PARD3: variants seen among roughly 807,000 people sequenced by gnomAD.
PARD3 encodes partitioning defective 3 homolog.
Under a neutral mutation model 155.4 loss-of-function variants are expected in PARD3, and 75 were observed. The observed-to-expected ratio is 0.48, with a 90% confidence interval of 0.40 to 0.58. The LOEUF is 0.58. PARD3 is among the 20% of genes least tolerant of loss of function. PARD3 has a pLI of 0.00. For synonymous variants in PARD3, 576 were observed against 610.5 expected, an observed-to-expected ratio of 0.94 and a Z score of 0.83; for missense variants, 1,642 against 1,721.7, an observed-to-expected ratio of 0.95 and a Z score of 0.82.
chr10:34,272,679 C>T (rs1174646973), intron 21 of PARD3, among the ~76,000 whole-genome samples: 3 of 152,060 alleles, frequency 2.0e-5, no homozygotes, highest in Non-Finnish European at 4.4e-5. Context: ...TGAACCATGA[C>T]TGTGCCACTG....
At chr10:34,164,793 G>T (rs1371323707) in intron 22 of PARD3, among the ~76,000 whole-genome samples, 1 of 147,364 alleles carries the variant, frequency 6.8e-6, no homozygotes, top group African/African-American at 2.6e-5. Flanking sequence ...CTCCTAGCTG[G>T]ACGCACACAC....
At chr10:34,697,206 T>C (rs187823848) in intron 1 of PARD3, among the ~76,000 whole-genome samples, 3 of 152,282 alleles carry the variant, frequency 2.0e-5, no homozygotes, top group South Asian at 2.1e-4. Context: ...AGAAGAAACA[T>C]AGTTGTGTGT....
At chr10:34,570,672 T>C (rs1467421924) in intron 2 of PARD3, among the ~76,000 whole-genome samples, 2 of 152,138 alleles carry the variant, frequency 1.3e-5, no homozygotes, top group East Asian at 1.9e-4. Context: ...CCATGAATAC[T>C]ACATATCAGA....
chr10:34,681,898 G>A (rs2133348774), intron 2 of PARD3, among the ~76,000 whole-genome samples: 1 of 146,670 alleles, frequency 6.8e-6, no homozygotes, highest in South Asian at 2.2e-4. Context: ...TGAGATTATA[G>A]GCATGAGCTA....
intron 2 of PARD3, among the ~76,000 whole-genome samples, chr10:34,565,124 T>C (rs1175575415): frequency 6.6e-6 from 1 of 151,084 alleles, no homozygotes; most frequent in Non-Finnish European, 1.5e-5. Flanking sequence ...GTGATATTAA[T>C]TGCTGGCCAG....
chr10:34,576,885 C>T (rs2134209980), intron 2 of PARD3, among the ~76,000 whole-genome samples: 1 of 152,310 alleles, frequency 6.6e-6, no homozygotes, highest in Middle Eastern at 3.4e-3. Context: ...TTCAACATCA[C>T]ACTCCCACTA....
chr10:34,235,572 C>G (rs940044942), intron 22 of PARD3, among the ~76,000 whole-genome samples: 1 of 152,086 alleles, frequency 6.6e-6, no homozygotes, highest in African/African-American at 2.4e-5. Context: ...GTTTATAAAA[C>G]GCCACATTAA....
chr10:34,783,699 C>A (rs1217809394), intron 1 of PARD3, among the ~76,000 whole-genome samples: 1 of 148,244 alleles, frequency 6.7e-6, no homozygotes. Context: ...AAAGTATAAT[C>A]AACCACATCA....
At chr10:34,220,725 T>C (rs145478161) in intron 22 of PARD3, among the ~76,000 whole-genome samples, 84 of 152,232 alleles carry the variant, frequency 5.5e-4, no homozygotes, top group African/African-American at 1.8e-3. Context: ...TTATGTGCAC[T>C]TCTCAGCACA....
chr10:34,765,530 T>C (rs567723538), intron 1 of PARD3, among the ~76,000 whole-genome samples: 41 of 152,002 alleles, frequency 2.7e-4, no homozygotes, highest in African/African-American at 9.4e-4. Flanking sequence ...ATACAAAAAT[T>C]AGCCAGGCAT....
chr10:34,448,083 C>A (rs1186562131), intron 5 of PARD3, among the ~76,000 whole-genome samples: 1 of 151,830 alleles, frequency 6.6e-6, no homozygotes, highest in Non-Finnish European at 1.5e-5. Context: ...ATGGAAACAA[C>A]CTAAGTGACC....
At chr10:34,603,163 C>T (rs1170251544) in intron 2 of PARD3, among the ~76,000 whole-genome samples, 1 of 152,098 alleles carries the variant, frequency 6.6e-6, no homozygotes, top group South Asian at 2.1e-4. Flanking sequence ...AAATGTGGTG[C>T]TTAGAAAATT....
chr10:34,120,235 T>C (rs1946922599), intron 23 of PARD3, among the ~76,000 whole-genome samples: 1 of 147,492 alleles, frequency 6.8e-6, no homozygotes, highest in South Asian at 2.2e-4. Flanking sequence ...TATGTTGTCC[T>C]GGCCTCAAGC....
intron 2 of PARD3, among the ~76,000 whole-genome samples, chr10:34,602,607 T>C (rs2089888035): frequency 6.6e-6 from 1 of 152,214 alleles, no homozygotes; most frequent in South Asian, 2.1e-4. Flanking sequence ...GATGGACTAC[T>C]GTTACACTCA....
intron 2 of PARD3, among the ~76,000 whole-genome samples, chr10:34,621,200 T>A (rs1393765387): frequency 6.6e-6 from 1 of 152,108 alleles, no homozygotes; most frequent in African/African-American, 2.4e-5. Flanking sequence ...TTTTTGTTTT[T>A]TTGGGGGTTT....
chr10:34,344,431 C>T (rs1837185635), intron 15 of PARD3: 1 of 505,388 alleles, frequency 2.0e-6, no homozygotes, highest in African/African-American at 2.1e-5. Flanking sequence ...TACGGGTGTG[C>T]AACACAACAT....
chr10:34,571,915 T>C (rs1256867578), intron 2 of PARD3, among the ~76,000 whole-genome samples: 1 of 152,120 alleles, frequency 6.6e-6, no homozygotes, highest in African/African-American at 2.4e-5. Flanking sequence ...AAAAATAATG[T>C]TGGACTCTAG....
intron 1 of PARD3, among the ~76,000 whole-genome samples, chr10:34,768,695 G>C (rs1341377970): frequency 6.6e-6 from 1 of 152,206 alleles, no homozygotes; most frequent in Non-Finnish European, 1.5e-5. Flanking sequence ...TGTCACAGCA[G>C]AGTGAAAAAG....
At chr10:34,792,344 C>A (rs1311987270) in intron 1 of PARD3, among the ~76,000 whole-genome samples, 4 of 152,180 alleles carry the variant, frequency 2.6e-5, no homozygotes, top group Non-Finnish European at 5.9e-5. Flanking sequence ...CTCAGCCTCC[C>A]AAAGCACTGG....
Sources: gnomAD v4.1 joint callset for allele counts (sites outside exome capture counted in the v4.1 genomes callset) on GRCh38, gnomAD v4.1.1 for gene constraint, MANE v1.5 for transcripts, NCBI Gene and HGNC (gene_info 2026-07-23, HGNC 2026-07-21) for gene names.